Variants in ST6GAL2 observed in about 807,000 individuals in gnomAD.
ST6GAL2 encodes the protein ST6 beta-galactoside alpha-2,6-sialyltransferase 2.
Under a neutral mutation model 37.5 loss-of-function variants are expected in ST6GAL2, and 24 were observed. The observed-to-expected ratio is 0.64, with a 90% CI of 0.46 to 0.90. The LOEUF is 0.90. Among genes scored for constraint, ST6GAL2 ranks in the 40% least tolerant of loss-of-function variants. The pLI is 0.00. For synonymous variants in ST6GAL2, 306 were observed against 295.1 expected (o/e 1.04, Z -0.38); for missense variants, 715 against 712.7 (o/e 1.00, Z -0.04).
intron 5 of ST6GAL2, among the ~76,000 whole-genome samples, chr2:106,821,318 T>A (rs971849179): frequency 4.0e-5 from 6 of 151,404 alleles, no homozygotes; most frequent in Non-Finnish European, 7.4e-5. Context: ...ACAACTGATG[T>A]CACAAAAATC....
chr2:106,843,499 T>C lies in ST6GAL2; in HGVS notation c.479A>G (p.Glu160Gly), dbSNP rs766249358. The change falls in exon 2 of 6, where the codon GAG becomes GGG. Residue 160 changes from glutamate (E) to glycine (G), a missense_variant. Around this residue, in one of 3 missense-constraint regions of ST6GAL2, gnomAD observed 512 missense variants for 488.8 expected, o/e 1.05. Transcript: ENST00000409382. ...FPSPGEPGPR[E>G]GAFPAAQVQR... ...GACCTGTGCAGCCGGAAAAGCCCCC[T>C]CCCGTGGGCCTGGCTCCCCGGGGGA... The C allele has an allele frequency of 6.2e-7, 1 of 1,613,942 alleles. No homozygotes were observed. The highest frequency in any genetic ancestry group is 2.2e-5 in the East Asian group (1 of 44,842).
chr2:106,854,103 G>A lies in ST6GAL2; in HGVS notation c.-57-10069C>T, dbSNP rs531328741. 2.6e-5 allele frequency among the ~76,000 whole-genome samples: 4 copies of A among 152,268 alleles called. No individual in the cohort carries two copies. The South Asian group carries it at 6.2e-4, about 24-fold the overall frequency. On this transcript the variant is annotated intron_variant, in intron 1 of 5. Coordinates refer to ENST00000409382, the MANE Select transcript of ST6GAL2 (RefSeq NM_001142351.2). ...AGGTGAACTCCTAAAATGTGAAGTG[G>A]GCTTTGAGGTAAAAGCACAGGTGGC... is the stretch of plus-strand genomic sequence containing the variant.
At chr2:106,871,758 C>G (rs575797046) in intron 1 of ST6GAL2, among the ~76,000 whole-genome samples, 1 of 152,186 alleles carries the variant, frequency 6.6e-6, no homozygotes, top group African/African-American at 2.4e-5. Context: ...GGCAGTAACA[C>G]GCATGGAACT....
Position 106,830,160 on chromosome 2 carries a change from A to C in ST6GAL2, c.1224T>G (p.Ile408Met). The change falls in exon 5 of 6, where the codon ATT (isoleucine) becomes ATG (methionine). Residue 408 changes from isoleucine to methionine, a missense_variant. Coordinates refer to ENST00000409382, the MANE Select transcript of ST6GAL2 (RefSeq NM_001142351.2). ...RQRNPNQPFYILHPKFIWQLW... is the reference protein window; with the variant it reads ...RQRNPNQPFYMLHPKFIWQLW... ...GCTGCCATATAAATTTAGGATGAAGAATGTAAAATGGCTGATTTGGGTTTC... is the reference window on the plus strand; with the variant it reads ...GCTGCCATATAAATTTAGGATGAAGCATGTAAAATGGCTGATTTGGGTTTC... 2 of 1,614,026 alleles carry C rather than the reference A, an allele frequency of 1.2e-6. No individual in the cohort carries two copies. Among genetic ancestry groups the C allele is most frequent in the Non-Finnish European group, 1.7e-6 (2 of 1,179,980 alleles).
In ST6GAL2 at chr2:106,843,059, T is replaced by C; in HGVS notation, c.919A>G (p.Asn307Asp). 1 of 1,469,838 alleles carries C rather than the reference T, an allele frequency of 6.8e-7. No individual in the cohort carries two copies. The highest frequency in any genetic ancestry group is 9.0e-7 in the Non-Finnish European group (1 of 1,110,380). The allele number at this position is 1,469,838 out of a possible 1,614,324, so 91.0% of individuals were successfully genotyped here. A position where few individuals can be genotyped will look rare whatever the true frequency, so the allele number is the denominator to read the frequency against. The change falls in exon 2 of 6, where the codon AAC becomes GAC. Residue 307 changes from asparagine to aspartate, a missense_variant. Transcript: ENST00000409382. The stretch of plus-strand genomic sequence containing the variant: ...CCTATTTCCTCGCCCAAGGAAGAGT[T>C]GAGGATTGCGCCTGCAGACATGACG... Reference protein sequence around the residue: ...AVVMSAGAILNSSLGEEIDSH... With the variant: ...AVVMSAGAILDSSLGEEIDSH...
rs1182051226 is a variant in ST6GAL2 at position 106,806,404 on chromosome 2, G to T, written c.*274C>A. 1.6e-5 allele frequency: 6 copies of T among 383,248 alleles called. No individual in the cohort carries two copies. Among genetic ancestry groups the T allele is most frequent in the Non-Finnish European group, 2.8e-5 (6 of 212,362 alleles). The allele number at this position is 383,248 out of a possible 1,614,324, so 23.7% of individuals were successfully genotyped here. A position where few individuals can be genotyped will look rare whatever the true frequency, so the allele number is the denominator to read the frequency against. On this transcript the variant is annotated 3_prime_UTR_variant, in exon 6 of 6. Transcript: ENST00000409382. ...AGAATAAGTTGTTAACATTTCTGGA[G>T]GTATCATACCCATGGTCATACATGT...
chr2:106,813,407 A>G (rs1675684671), intron 5 of ST6GAL2, among the ~76,000 whole-genome samples: 1 of 152,236 alleles, frequency 6.6e-6, no homozygotes, highest in Non-Finnish European at 1.5e-5. Flanking sequence ...GATTCAGCAT[A>G]ATAAGCAGAA....
chr2:106,882,526 C>T (rs1260581034), intron 1 of ST6GAL2, among the ~76,000 whole-genome samples: 1 of 152,234 alleles, frequency 6.6e-6, no homozygotes, highest in African/African-American at 2.4e-5. Context: ...TGAATTACTA[C>T]CATCTCCTGA....
In ST6GAL2 at chr2:106,814,490, C is replaced by CAAA. The variant is rs60883353; in HGVS notation, c.1319-7544_1319-7542dup. 9.1e-4 allele frequency among the ~76,000 whole-genome samples: 122 copies of CAAA among 133,706 alleles called. No homozygotes were observed. In the East Asian group the frequency reaches 9.2e-3, roughly 10 times the overall value. 87.7% of individuals were successfully genotyped at this position (133,706 alleles called of 152,430 possible). Reference sequence around the variant, plus strand: ...CAATATTACGAGTAGTGTTTGCGTTCAAAAAAAAAAAAAAGGCAAGGTGGG... The same window carrying CAAA: ...CAATATTACGAGTAGTGTTTGCGTTCAAAAAAAAAAAAAAAAAGGCAAGGTGGG... On this transcript the variant is annotated intron_variant, in intron 5 of 5. Transcript: ENST00000409382.
chr2:106,876,880 C>T (rs1252082505), intron 1 of ST6GAL2, among the ~76,000 whole-genome samples: 1 of 152,130 alleles, frequency 6.6e-6, no homozygotes, highest in Non-Finnish European at 1.5e-5. Context: ...ACAGCTTCCT[C>T]CCTCCGCATG....
chr2:106,832,450 T>C, intron 4 of ST6GAL2, 115 bp downstream of exon 4: 2 of 608,954 alleles, frequency 3.3e-6, no homozygotes, highest in East Asian at 2.9e-5. Flanking sequence ...ATTAAATTGA[T>C]ATTGATGGGT....
intron 1 of ST6GAL2, among the ~76,000 whole-genome samples, chr2:106,881,262 T>A (rs1678740324): frequency 6.6e-6 from 1 of 152,222 alleles, no homozygotes. Flanking sequence ...GTGTTGGGAT[T>A]ATAGGCACTG....
At chr2:106,822,451 A>T (rs957138011) in intron 5 of ST6GAL2, among the ~76,000 whole-genome samples, 2 of 152,054 alleles carry the variant, frequency 1.3e-5, no homozygotes, top group Non-Finnish European at 2.9e-5. Flanking sequence ...GAAGTGAAAG[A>T]TCTCGATAAT....
intron 1 of ST6GAL2, among the ~76,000 whole-genome samples, chr2:106,849,852 C>G (rs1677287512): frequency 6.6e-6 from 1 of 152,156 alleles, no homozygotes; most frequent in East Asian, 1.9e-4. Context: ...TTTGAATGTA[C>G]CTACGACTTA....
chr2:106,830,562 G>A (rs1382568291), intron 4 of ST6GAL2, among the ~76,000 whole-genome samples: 3 of 152,206 alleles, frequency 2.0e-5, no homozygotes, highest in Non-Finnish European at 4.4e-5. Flanking sequence ...AGAGTCAGTC[G>A]TCTCTACTCA....
At chr2:106,885,523 T>C (rs572633547) in intron 1 of ST6GAL2, among the ~76,000 whole-genome samples, 2 of 152,014 alleles carry the variant, frequency 1.3e-5, no homozygotes, top group Non-Finnish European at 2.9e-5. Flanking sequence ...CGGGAGCCAT[T>C]GAGTTTAACT....
chr2:106,821,386 T>C (rs1675998694), intron 5 of ST6GAL2, among the ~76,000 whole-genome samples: 1 of 150,608 alleles, frequency 6.6e-6, no homozygotes, highest in Non-Finnish European at 1.5e-5. Flanking sequence ...AAATTGTATA[T>C]ATATTAATAG....
chr2:106,855,536 G>A (rs1342072603), intron 1 of ST6GAL2, among the ~76,000 whole-genome samples: 2 of 152,164 alleles, frequency 1.3e-5, no homozygotes, highest in African/African-American at 2.4e-5. Flanking sequence ...ACGGAGGAAA[G>A]GGGTTTGGAT....
At chr2:106,836,926 A>G (rs1241089138) in intron 2 of ST6GAL2, among the ~76,000 whole-genome samples, 3 of 144,444 alleles carry the variant, frequency 2.1e-5, no homozygotes, top group African/African-American at 7.7e-5. Context: ...CCTGAGCAAC[A>G]GGAGCAAAAT....
Sources: allele counts gnomAD v4.1 joint callset (sites outside exome capture counted in the v4.1 genomes callset), GRCh38; gene constraint gnomAD v4.1.1; regional missense constraint gnomAD v4.1.1; transcripts MANE v1.5; gene names NCBI Gene and HGNC (gene_info 2026-07-23, HGNC 2026-07-21).